Variants in MGAT5 observed in about 807,000 individuals in gnomAD.
MGAT5 encodes the protein alpha-1,6-mannosylglycoprotein 6-beta-N-acetylglucosaminyltransferase, also known as alpha-1,6-mannosylglycoprotein 6-beta-N-acetylglucosaminyltransferase A.
Under a neutral mutation model 94.3 loss-of-function variants are expected in MGAT5, and 30 were observed. That is an observed-to-expected ratio of 0.32 (90% CI 0.24 to 0.43). MGAT5 has a LOEUF of 0.43. Ranked by LOEUF, MGAT5 falls within the 20% of genes least tolerant of loss-of-function variation. MGAT5 has a pLI of 1.00. For synonymous variants in MGAT5, 310 were observed against 322.9 expected (o/e 0.96, Z 0.43); for missense variants, 691 against 905.5 (o/e 0.76, Z 3.04).
intron 1 of MGAT5, among the ~76,000 whole-genome samples, chr2:134,151,501 T>C (rs550962459): frequency 3.6e-4 from 39 of 108,008 alleles, no homozygotes; most frequent in African/African-American, 1.2e-3. Context: ...CACTCACTCA[T>C]GCCCTGTGGG....
Position 134,415,260 on chromosome 2 carries a change from C to T in MGAT5, c.1677+2245C>T, listed in dbSNP as rs113701268. On this transcript the variant is annotated intron_variant, in intron 12 of 15. Transcript: ENST00000281923. ...CAGGGTACCAAGCTTCCCTTTTTAC[C>T]ACATTCTTGCCAGACACTTGTTATC... Among the ~76,000 whole-genome samples, 1,175 of 152,234 alleles carry T rather than the reference C, an allele frequency of 7.7e-3. 15 individuals are homozygous for T. The highest frequency in any genetic ancestry group is 0.026 in the African/African-American group (1,092 of 41,544).
intron 1 of MGAT5, among the ~76,000 whole-genome samples, chr2:134,134,565 G>A (rs1686321162): frequency 6.6e-6 from 1 of 152,208 alleles, no homozygotes; most frequent in Non-Finnish European, 1.5e-5. Context: ...TCTTTCTTTT[G>A]TAATGCCAGT....
At chr2:134,189,974 C>T (rs1395679168) in intron 1 of MGAT5, among the ~76,000 whole-genome samples, 1 of 152,036 alleles carries the variant, frequency 6.6e-6, no homozygotes, top group Admixed American at 6.6e-5. Context: ...TTATGGTGAC[C>T]TTTTACTAAA....
At chr2:134,440,971 T>C in intron 14 of MGAT5, among the ~76,000 whole-genome samples, 1 of 152,230 alleles carries the variant, frequency 6.6e-6, no homozygotes, top group East Asian at 1.9e-4. Flanking sequence ...TTTGGGTCTT[T>C]ATTTAGAAGT....
chr2:134,215,569 T>C (rs1680450739), intron 1 of MGAT5, among the ~76,000 whole-genome samples: 1 of 152,196 alleles, frequency 6.6e-6, no homozygotes, highest in Non-Finnish European at 1.5e-5. Context: ...TTATCCATTC[T>C]CAAGAGATTG....
At chr2:134,185,525 G>C (rs528968088) in intron 1 of MGAT5, among the ~76,000 whole-genome samples, 1 of 152,238 alleles carries the variant, frequency 6.6e-6, no homozygotes, top group South Asian at 2.1e-4. Context: ...CCATTTTTAC[G>C]TGATTACTGT....
intron 1 of MGAT5, among the ~76,000 whole-genome samples, chr2:134,194,659 C>G (rs993130476): frequency 1.3e-5 from 2 of 152,080 alleles, no homozygotes; most frequent in Admixed American, 6.6e-5. Context: ...CTCCCTCCCC[C>G]GGGAGGTCTA....
intron 1 of MGAT5, among the ~76,000 whole-genome samples, chr2:134,237,947 C>T (rs1681753569): frequency 6.6e-6 from 1 of 152,074 alleles, no homozygotes; most frequent in African/African-American, 2.4e-5. Flanking sequence ...GATGGTGTTT[C>T]ACCATGTTGG....
intron 4 of MGAT5, among the ~76,000 whole-genome samples, chr2:134,335,438 T>C (rs1034336796): frequency 5.3e-5 from 8 of 152,174 alleles, no homozygotes; most frequent in Admixed American, 5.2e-4. Context: ...TTCTCATTTT[T>C]TTGCTAGAAA....
At chr2:134,285,449 T>C (rs1192639406) in intron 2 of MGAT5, among the ~76,000 whole-genome samples, 3 of 152,204 alleles carry the variant, frequency 2.0e-5, no homozygotes, top group African/African-American at 7.2e-5. Flanking sequence ...CATAAATCTT[T>C]GCATTATTCT....
chr2:134,256,039 G>A (rs1325018249), intron 1 of MGAT5, among the ~76,000 whole-genome samples: 1 of 152,100 alleles, frequency 6.6e-6, no homozygotes, highest in East Asian at 1.9e-4. Context: ...TTCTTTTCTA[G>A]TTCTTACTAT....
intron 1 of MGAT5, among the ~76,000 whole-genome samples, chr2:134,202,925 A>G (rs1281482564): frequency 6.6e-6 from 1 of 152,192 alleles, no homozygotes; most frequent in African/African-American, 2.4e-5. Context: ...GCATTTCATC[A>G]TGTAAATGCG....
chr2:134,405,581 G>A (rs529200288), intron 11 of MGAT5, among the ~76,000 whole-genome samples: 2 of 152,316 alleles, frequency 1.3e-5, no homozygotes, highest in East Asian at 1.9e-4. Flanking sequence ...ATTTAAAAGC[G>A]ATTTATTCTA....
At chr2:134,417,150 A>G (rs1684024474) in intron 12 of MGAT5, among the ~76,000 whole-genome samples, 1 of 152,134 alleles carries the variant, frequency 6.6e-6, no homozygotes, top group Non-Finnish European at 1.5e-5. Flanking sequence ...TGTACCTACA[A>G]GTAGACTTGC....
At chr2:134,130,070 C>T (rs1228581255) in intron 1 of MGAT5, among the ~76,000 whole-genome samples, 1 of 152,198 alleles carries the variant, frequency 6.6e-6, no homozygotes, top group Non-Finnish European at 1.5e-5. Context: ...GCACCCGTGC[C>T]AGCAGCTGCG....
intron 1 of MGAT5, among the ~76,000 whole-genome samples, chr2:134,258,796 T>C (rs1009126884): frequency 4.6e-5 from 7 of 152,220 alleles, no homozygotes; most frequent in African/African-American, 1.7e-4. Context: ...AACTGGTTTG[T>C]CTTTGCCACA....
chr2:134,175,108 C>A (rs1241386376), intron 1 of MGAT5, among the ~76,000 whole-genome samples: 1 of 152,238 alleles, frequency 6.6e-6, no homozygotes, highest in African/African-American at 2.4e-5. Flanking sequence ...GTGTGTGGAG[C>A]AGCAGAGCAG....
chr2:134,185,909 CAGA>C (rs1688987421), intron 1 of MGAT5, among the ~76,000 whole-genome samples: 1 of 152,186 alleles, frequency 6.6e-6, no homozygotes, highest in Non-Finnish European at 1.5e-5. Context: ...GCTCCTGGTT[CAGA>C]AGAAGAGAAT....
At chr2:134,121,269 C>A (rs955606867) in intron 1 of MGAT5, among the ~76,000 whole-genome samples, 1 of 152,216 alleles carries the variant, frequency 6.6e-6, no homozygotes, top group Admixed American at 6.5e-5. Context: ...AGGCCTGGAG[C>A]GCGGCTCTCA....
Sources: gnomAD v4.1 joint callset for allele counts (sites outside exome capture counted in the v4.1 genomes callset) on GRCh38, gnomAD v4.1.1 for gene constraint, MANE v1.5 for transcripts, NCBI Gene and HGNC (gene_info 2026-07-23, HGNC 2026-07-21) for gene names.